The following SYNE2 variants were observed in gnomAD, a reference collection of about 807,000 sequenced individuals.
SYNE2 encodes the protein spectrin repeat containing nuclear envelope protein 2.
Under a neutral mutation model 856.3 loss-of-function variants are expected in SYNE2, and 431 were observed. The ratio of observed to expected loss-of-function variants is 0.50; its 90% CI spans 0.47 to 0.55. The LOEUF is 0.55. SYNE2 is among the 20% of genes least tolerant of loss of function. The probability of loss-of-function intolerance (pLI) is 0.00; values close to 1 mark genes in which losing one functional copy is unlikely to be tolerated. For missense variants in SYNE2, 8,129 were observed against 8,023.2 expected, an observed-to-expected ratio of 1.01 and a Z score of -0.50; for synonymous variants, 2,923 against 2,872.3, an observed-to-expected ratio of 1.02 and a Z score of -0.56.
intron 32 of SYNE2, among the ~76,000 whole-genome samples, chr14:64,014,028 CCAGA>C (rs1196436648): frequency 6.6e-6 from 1 of 151,940 alleles, no homozygotes; most frequent in Non-Finnish European, 1.5e-5. Flanking sequence ...CCTTCTAATC[CCAGA>C]CAGCCACTAA....
intron 60 of SYNE2, among the ~76,000 whole-genome samples, chr14:64,092,550 GTTAAATA>G (rs1340929952): frequency 6.6e-5 from 10 of 152,170 alleles, no homozygotes; most frequent in African/African-American, 2.2e-4. Flanking sequence ...TAAAATTATA[GTTAAATA>G]TTAAAGAAAA....
At chr14:64,157,058 C>T (rs1016365604) in intron 85 of SYNE2, among the ~76,000 whole-genome samples, 15 of 152,228 alleles carry the variant, frequency 9.9e-5, no homozygotes, top group Non-Finnish European at 1.8e-4. Flanking sequence ...CTATAGTGAT[C>T]ACATTCCATT....
chr14:64,182,287 T>C (rs2098461537), intron 96 of SYNE2, among the ~76,000 whole-genome samples: 1 of 152,254 alleles, frequency 6.6e-6, no homozygotes, highest in Admixed American at 6.5e-5. Context: ...ATAGATAATT[T>C]ATCTGGTTGA....
intron 1 of SYNE2, among the ~76,000 whole-genome samples, chr14:63,875,419 T>G (rs183884332): frequency 1.3e-5 from 2 of 152,250 alleles, no homozygotes; most frequent in Non-Finnish European, 2.9e-5. Context: ...AGATACTAAG[T>G]TCTATTTAAA....
intron 19 of SYNE2, 90 bp from the exon 20 acceptor site, chr14:63,990,321 A>G: frequency 7.6e-7 from 1 of 1,323,854 alleles, no homozygotes; most frequent in Non-Finnish European, 1.1e-6. Flanking sequence ...ATTAATAATG[A>G]ACTTTTTTGG....
chr14:64,035,060 G>A (rs1408674790), intron 45 of SYNE2, among the ~76,000 whole-genome samples: 1 of 150,772 alleles, frequency 6.6e-6, no homozygotes, highest in Non-Finnish European at 1.5e-5. Flanking sequence ...GAAAACCTTT[G>A]GTCTGTAATT....
intron 8 of SYNE2, chr14:63,956,383 G>A (rs564829996): frequency 2.2e-6 from 1 of 456,142 alleles, no homozygotes; most frequent in Non-Finnish European, 4.4e-6. Flanking sequence ...AATATAATTT[G>A]TGCATTTATA....
Position 64,024,965 on chromosome 14 carries a change from A to C in SYNE2, c.5894A>C (p.Lys1965Thr), listed in dbSNP as rs372947939. 8.7e-6 allele frequency: 14 copies of C among 1,613,922 alleles called. No homozygotes were observed. The African/African-American group carries it at 1.9e-4, about 22-fold the overall frequency. Reference protein sequence around the residue: ...LRKWLTNQEEKWKGMEEPGEK... With the variant: ...LRKWLTNQEETWKGMEEPGEK... ...AAGTGGTTGACTAATCAAGAAGAGA[A>C]ATGGAAAGGAATGGAAGAACCAGGG... Residue 1965 changes from lysine to threonine, a missense_variant, in exon 40 of 116, where the codon AAA becomes ACA. By Grantham distance (78) the Lys-to-Thr change is moderately conservative. Coordinates refer to ENST00000555002, the MANE Select transcript of SYNE2 (RefSeq NM_182914.3).
intron 2 of SYNE2, among the ~76,000 whole-genome samples, chr14:63,924,358 A>G (rs1337211138): frequency 6.6e-6 from 1 of 152,112 alleles, no homozygotes; most frequent in African/African-American, 2.4e-5. Context: ...GCATTTCCAT[A>G]TGAATTTTAG....
At chr14:64,146,401 C>T (rs537441588) in intron 84 of SYNE2, among the ~76,000 whole-genome samples, 178 bp downstream of exon 84, 60 of 152,218 alleles carry the variant, frequency 3.9e-4, no homozygotes, top group African/African-American at 1.4e-3. Flanking sequence ...TGCAAAGTGC[C>T]GTTTTTTATG....
At chr14:63,983,966 G>A in intron 18 of SYNE2, 80 bp downstream of exon 18, 2 of 1,080,292 alleles carry the variant, frequency 1.9e-6, no homozygotes, top group Non-Finnish European at 1.4e-6. Context: ...ATATTGCCGG[G>A]CACGGTGGCT....
chr14:63,894,331 C>T (rs1230979772), intron 1 of SYNE2, among the ~76,000 whole-genome samples: 4 of 152,014 alleles, frequency 2.6e-5, no homozygotes, highest in African/African-American at 9.7e-5. Context: ...GTCCTCCTGC[C>T]TCAGCGTCTT....
chr14:63,938,948 G>GCGCT (rs140569278), intron 2 of SYNE2, among the ~76,000 whole-genome samples: 14 of 151,904 alleles, frequency 9.2e-5, no homozygotes, highest in Admixed American at 2.6e-4. Context: ...GTGTGCGTGT[G>GCGCT]TGCATGTGTG....
upstream of SYNE2, among the ~76,000 whole-genome samples, chr14:63,850,176 G>A (rs371149146): frequency 1.3e-5 from 2 of 150,686 alleles, no homozygotes; most frequent in East Asian, 3.9e-4. Flanking sequence ...CTGCCTCCTG[G>A]GTTCAAGCGA....
At chr14:64,177,252 A>G in intron 95 of SYNE2, 106 bp from the exon 96 acceptor site, 2 of 1,460,508 alleles carry the variant, frequency 1.4e-6, no homozygotes, top group Admixed American at 1.8e-5. Context: ...GATTTATTAA[A>G]AACAAACTTA....
intron 45 of SYNE2, among the ~76,000 whole-genome samples, chr14:64,035,030 A>T (rs953966765): frequency 6.6e-5 from 10 of 151,328 alleles, no homozygotes; most frequent in Non-Finnish European, 1.2e-4. Context: ...CCTACATGAC[A>T]TAATTGCTTT....
At chr14:63,769,583 G>A (rs1470307503) in intron 1 of SYNE2, among the ~76,000 whole-genome samples, 1 of 151,664 alleles carries the variant, frequency 6.6e-6, no homozygotes, top group Non-Finnish European at 1.5e-5. Context: ...ACAGGTGAAT[G>A]GCGTGAACCC....
At chr14:64,070,935 G>C (rs781141552) in intron 52 of SYNE2, 25 bp downstream of exon 52, 4 of 1,613,330 alleles carry the variant, frequency 2.5e-6, no homozygotes, top group Admixed American at 3.3e-5. Context: ...AAACTATTAA[G>C]GACGTGTGCT....
intron 84 of SYNE2, 42 bp downstream of exon 84, chr14:64,146,265 G>A (rs2098186292): frequency 6.4e-7 from 1 of 1,565,464 alleles, no homozygotes; most frequent in African/African-American, 1.4e-5. Flanking sequence ...GCGAGCTGGG[G>A]TGATTCGGTC....
Sources: gnomAD v4.1 joint callset for allele counts (sites outside exome capture counted in the v4.1 genomes callset) on GRCh38, gnomAD v4.1.1 for gene constraint, MANE v1.5 for transcripts, NCBI Gene and HGNC (gene_info 2026-07-23, HGNC 2026-07-21) for gene names.